The following DNAL4 variants were observed in gnomAD, a reference collection of about 807,000 sequenced individuals.
The protein encoded by DNAL4 is dynein axonemal light chain 4.
A neutral mutation model predicts 12.6 loss-of-function variants in DNAL4; 10 were observed. The ratio of observed to expected loss-of-function variants is 0.79; its 90% CI spans 0.49 to 1.34. The LOEUF is 1.34. Among genes scored for constraint, DNAL4 ranks in the 40% most tolerant of loss-of-function variants. DNAL4 has a pLI of 0.00. For missense variants in DNAL4, 128 were observed against 138.1 expected, an observed-to-expected ratio of 0.93 and a Z score of 0.37; for synonymous variants, 46 against 53.1, an observed-to-expected ratio of 0.87 and a Z score of 0.58.
At chr22:38,780,873 C>A (rs1482740676) in intron 3 of DNAL4, 53 bp downstream of exon 3, 1 of 1,583,042 alleles carries the variant, frequency 6.3e-7, no homozygotes, top group East Asian at 2.2e-5. Flanking sequence ...CCACTTTATT[C>A]ACCCACAGGG....
chr22:38,781,835 A>G (rs1227984703), intron 2 of DNAL4, among the ~76,000 whole-genome samples: 1 of 151,934 alleles, frequency 6.6e-6, no homozygotes, highest in South Asian at 2.1e-4. Context: ...ACCCGACCGC[A>G]TCTCGCACTC....
intron 2 of DNAL4, among the ~76,000 whole-genome samples, chr22:38,781,280 G>A (rs1012392868): frequency 2.0e-5 from 3 of 152,250 alleles, no homozygotes; most frequent in Non-Finnish European, 4.4e-5. Context: ...GAAGAAAGCC[G>A]GCTGAGGGCG....
chr22:38,784,506 CTTTTTT>C (rs1012937453), intron 1 of DNAL4, among the ~76,000 whole-genome samples: 4 of 139,174 alleles, frequency 2.9e-5, no homozygotes, highest in South Asian at 2.3e-4. Context: ...GTCTCTTTCA[CTTTTTT>C]TTTTTTTTTT....
At chr22:38,785,111 G>A (rs1039843688) in intron 1 of DNAL4, among the ~76,000 whole-genome samples, 1 of 152,104 alleles carries the variant, frequency 6.6e-6, no homozygotes, top group African/African-American at 2.4e-5. Flanking sequence ...ACAAGCTGGT[G>A]AATTACCAAG....
Position 38,779,575 on chromosome 22 carries a change from C to T in DNAL4, c.192G>A (p.Lys64=), listed in dbSNP as rs1438231409. 1 of 1,597,814 alleles carries T rather than the reference C, an allele frequency of 6.3e-7. No individual in the cohort carries two copies. Residue 64 remains lysine, a synonymous_variant, in exon 4 of 4, where the codon AAG becomes AAA. Transcript: ENST00000216068. The surrounding 1 kb of genome is among the most constrained non-coding windows in gnomAD (Gnocchi z 4.3). ...AKMIKETMDK[K]FGSSWHVVIG... ...TCACCACGTGCCAGGAGGAGCCGAACTTCTTGTCCATTGTCTCTTTGATCA... is the reference window on the plus strand; with the variant it reads ...TCACCACGTGCCAGGAGGAGCCGAATTTCTTGTCCATTGTCTCTTTGATCA...
chr22:38,780,847 C>T, intron 3 of DNAL4, 79 bp downstream of exon 3: 4 of 1,447,510 alleles, frequency 2.8e-6, no homozygotes, highest in Non-Finnish European at 3.9e-6. Flanking sequence ...CTGGAGCCAA[C>T]TGCAGGGAAC....
rs1295905574 is a variant in DNAL4, at chr22:38,782,826, C to T, written c.-95G>A. On this transcript the variant is annotated 5_prime_UTR_variant, in exon 2 of 4. Coordinates refer to ENST00000216068, the MANE Select transcript of DNAL4 (RefSeq NM_005740.3). The surrounding 1 kb of genome is among the most constrained non-coding windows in gnomAD (Gnocchi z 5.1). ...CACCCAGGAGATTCAGGAAGCAGGC[C>T]CTGCCAACTCGGTGGGAGCAGAAAA... 8.3e-7 allele frequency: 1 copy of T among 1,204,114 alleles called. No individual in the cohort carries two copies. Among genetic ancestry groups the T allele is most frequent in the Middle Eastern group, 2.0e-4 (1 of 5,024 alleles). The allele number at this position is 1,204,114 out of a possible 1,614,324, so 74.6% of individuals were successfully genotyped here. A position where few individuals can be genotyped will look rare whatever the true frequency, so the allele number is the denominator to read the frequency against.
chr22:38,782,030 C>T lies in DNAL4; in HGVS notation c.69+633G>A, dbSNP rs148133533. On this transcript the variant is annotated intron_variant, in intron 2 of 3. Transcript: ENST00000216068. The surrounding 1 kb of genome is among the most constrained non-coding windows in gnomAD (Gnocchi z 5.1). ...TTAAAACCCTTCAGTGTTCCCCCTT[C>T]GATTCAGGACAGAACCCACAGTTCT... Among the ~76,000 whole-genome samples, 8 of 152,354 alleles carry T rather than the reference C, an allele frequency of 5.3e-5. No individual in the cohort carries two copies. Among genetic ancestry groups the T allele is most frequent in the East Asian group, 1.9e-4 (1 of 5,188 alleles).
At chr22:38,784,960 G>A (rs1201710216) in intron 1 of DNAL4, among the ~76,000 whole-genome samples, 3 of 148,582 alleles carry the variant, frequency 2.0e-5, no homozygotes, top group Admixed American at 6.6e-5. Flanking sequence ...GCATGAGGCT[G>A]GAAGCCTGGC....
chr22:38,785,549 TG>T (rs1370708172), intron 1 of DNAL4: 1 of 152,258 alleles, frequency 6.6e-6, no homozygotes, highest in Non-Finnish European at 1.5e-5. Context: ...AGATGTCCCA[TG>T]ACTTCAGAGG....
At chr22:38,789,253 C>T (rs1031321213) in intron 1 of DNAL4, among the ~76,000 whole-genome samples, 3 of 152,176 alleles carry the variant, frequency 2.0e-5, no homozygotes, top group African/African-American at 7.2e-5. Flanking sequence ...GTATATATGA[C>T]TTCAAAGATT....
At chr22:38,790,801 T>C (rs1197706435) in intron 1 of DNAL4, among the ~76,000 whole-genome samples, 1 of 152,212 alleles carries the variant, frequency 6.6e-6, no homozygotes, top group Non-Finnish European at 1.5e-5. Context: ...GGCTACAAAC[T>C]TGTATAGCAT....
chr22:38,781,714 A>G (rs2093034677), intron 2 of DNAL4, among the ~76,000 whole-genome samples: 1 of 151,900 alleles, frequency 6.6e-6, no homozygotes, highest in African/African-American at 2.4e-5. Flanking sequence ...TTTTCTCCCA[A>G]TACTCAGGAA....
At chr22:38,783,338 G>A (rs367681172) in intron 1 of DNAL4, among the ~76,000 whole-genome samples, 35 of 148,470 alleles carry the variant, frequency 2.4e-4, no homozygotes, top group Non-Finnish European at 4.3e-4. Context: ...CTACACACGC[G>A]GGCCTTCCCT....
At chr22:38,786,587 A>G (rs1409579703) in intron 1 of DNAL4, among the ~76,000 whole-genome samples, 2 of 151,940 alleles carry the variant, frequency 1.3e-5, no homozygotes, top group East Asian at 3.8e-4. Context: ...ACAAAACAAA[A>G]ACAAAACTGT....
rs2093031303 is a variant in DNAL4, at chr22:38,779,671, G to A, written c.154-58C>T. 37 of 1,534,952 alleles carry A rather than the reference G, an allele frequency of 2.4e-5. No individual in the cohort carries two copies. Among genetic ancestry groups the A allele is most frequent in the Non-Finnish European group, 3.1e-5 (35 of 1,134,610 alleles). On this transcript the variant is annotated intron_variant, in intron 3 of 3. Coordinates refer to ENST00000216068, the MANE Select transcript of DNAL4 (RefSeq NM_005740.3). This position sits in a 1 kb window ranked among gnomAD's most constrained non-coding sequence, Gnocchi z 4.3. Reference sequence around the variant, plus strand: ...CAGGGCAGGTGGGGGCAGGAGTCAGGTCCTTCTCCAGGAAGGAGAAGGCTG... The same window carrying A: ...CAGGGCAGGTGGGGGCAGGAGTCAGATCCTTCTCCAGGAAGGAGAAGGCTG...
Position 38,782,152 on chromosome 22 carries a change from T to C in DNAL4, c.69+511A>G, listed in dbSNP as rs1284977435. Among the ~76,000 whole-genome samples, 1 of 152,156 alleles carries C rather than the reference T, an allele frequency of 6.6e-6. No homozygotes were observed. The highest frequency in any genetic ancestry group is 1.5e-5 in the Non-Finnish European group (1 of 68,032). On this transcript the variant is annotated intron_variant, in intron 2 of 3. Coordinates refer to ENST00000216068, the MANE Select transcript of DNAL4 (RefSeq NM_005740.3). This position sits in a 1 kb window ranked among gnomAD's most constrained non-coding sequence, Gnocchi z 5.1. ...CCTTCTCAGCACTCCATTCCAGCCA[T>C]GCTGGCCTTCTCTCTGTGCCTCCAA...
rs764441010 is a variant in DNAL4 at position 38,782,762 on chromosome 22, T to C, written c.-31A>G. 3 of 1,591,690 alleles carry C rather than the reference T, an allele frequency of 1.9e-6. No homozygotes were observed. Among genetic ancestry groups the C allele is most frequent in the Non-Finnish European group, 1.7e-6 (2 of 1,170,784 alleles). On this transcript the variant is annotated 5_prime_UTR_variant, in exon 2 of 4. Coordinates refer to ENST00000216068, the MANE Select transcript of DNAL4 (RefSeq NM_005740.3). The surrounding 1 kb of genome is among the most constrained non-coding windows in gnomAD (Gnocchi z 5.1). ...TTCCACTGTGACCACTGGAGGAGAG[T>C]GGGGCTTTCAGGAGGTGCTGGGACT...
chr22:38,784,980 C>A (rs1272783263), intron 1 of DNAL4, among the ~76,000 whole-genome samples: 1 of 150,174 alleles, frequency 6.7e-6, no homozygotes, highest in Non-Finnish European at 1.5e-5. Context: ...CACAGACCCC[C>A]CCCCCCATCC....
Sources: gnomAD v4.1 joint callset for allele counts (sites outside exome capture counted in the v4.1 genomes callset) on GRCh38, gnomAD v4.1.1 for gene constraint, Gnocchi (gnomAD v3.1) non-coding constraint, MANE v1.5 for transcripts, NCBI Gene and HGNC (gene_info 2026-07-23, HGNC 2026-07-21) for gene names.